UNC93B1: variants seen among roughly 807,000 people sequenced by gnomAD.
UNC93B1 encodes protein unc-93 homolog B1.
Under a neutral mutation model 56.8 loss-of-function variants are expected in UNC93B1, and 33 were observed. That is an observed-to-expected ratio of 0.58 (90% CI 0.44 to 0.78). UNC93B1 has a LOEUF of 0.78. Ranked by LOEUF, UNC93B1 falls within the 30% of genes least tolerant of loss-of-function variation. The pLI is 0.00. For synonymous variants in UNC93B1, 334 were observed against 358.6 expected, an observed-to-expected ratio of 0.93 and a Z score of 0.77; for missense variants, 673 against 819.5, an observed-to-expected ratio of 0.82 and a Z score of 2.18.
At chr11:67,995,576 GCCCC>G in intron 9 of UNC93B1, 31 bp downstream of exon 9, 4 of 103,704 alleles carry the variant, frequency 3.9e-5, no homozygotes, top group Non-Finnish European at 5.4e-5. Flanking sequence ...CCCCTGCCCC[GCCCC>G]CCCCCCCCCA....
At chr11:67,997,825 C>T (rs1454619917) in intron 6 of UNC93B1, 26 bp from the exon 7 acceptor site, 3 of 1,598,616 alleles carry the variant, frequency 1.9e-6, no homozygotes, top group Admixed American at 1.7e-5. Flanking sequence ...GTGAGGGCAC[C>T]GTGAGCAGAG....
In UNC93B1 at chr11:67,993,692, G is replaced by A. The variant is rs765034492; in HGVS notation, c.1466C>T (p.Ser489Leu). ...AVAIFTVYLG[S>L]SLHMKAKLAV... ...CAGTCTCACCTTCATGTGCAGGCTCGAGCCCAGGTACACGGTGAAGATGGC... is the reference window on the plus strand; with the variant it reads ...CAGTCTCACCTTCATGTGCAGGCTCAAGCCCAGGTACACGGTGAAGATGGC... Residue 489 changes from serine (S) to leucine (L), a missense_variant, in exon 10 of 11, where the codon TCG becomes TTG. By Grantham distance (145) the Ser-to-Leu change is moderately radical. Transcript: ENST00000227471. 19 of 1,208,488 alleles carry A rather than the reference G, an allele frequency of 1.6e-5. No individual in the cohort carries two copies. The highest frequency in any genetic ancestry group is 7.6e-5 in the African/African-American group (5 of 65,760). The allele number at this position is 1,208,488 out of a possible 1,614,324, so 74.9% of individuals were successfully genotyped here. A position where few individuals can be genotyped will look rare whatever the true frequency, so the allele number is the denominator to read the frequency against.
In UNC93B1 at chr11:67,993,688, G is replaced by C; in HGVS notation, c.1470C>G (p.Ser490Arg). The stretch of plus-strand genomic sequence containing the variant: ...TGCCCAGTCTCACCTTCATGTGCAG[G>C]CTCGAGCCCAGGTACACGGTGAAGA... ...VAIFTVYLGS[S>R]LHMKAKLAVL... Residue 490 changes from serine to arginine, a missense_variant, in exon 10 of 11, where the codon AGC (serine) becomes AGG (arginine). By Grantham distance (110) the Ser-to-Arg change is moderately radical. Coordinates refer to ENST00000227471, the MANE Select transcript of UNC93B1 (RefSeq NM_030930.4). 8.4e-7 allele frequency: 1 copy of C among 1,191,796 alleles called. No homozygotes were observed. Among genetic ancestry groups the C allele is most frequent in the Non-Finnish European group, 1.2e-6 (1 of 834,392 alleles). 73.8% of individuals were successfully genotyped at this position (1,191,796 alleles called of 1,614,324 possible).
chr11:67,996,626 G>A lies in UNC93B1; in HGVS notation c.1065C>T (p.Leu355=). 6.4e-7 allele frequency: 1 copy of A among 1,550,764 alleles called. No homozygotes were observed. ...PFFIYSGFEV[L]FACTGIALGY... ...CCAAGGCGATACCAGTGCAGGCAAAGAGCACCTCGAAGCCGCTGTAGATAA... is the reference window on the plus strand; with the variant it reads ...CCAAGGCGATACCAGTGCAGGCAAAAAGCACCTCGAAGCCGCTGTAGATAA... The change falls in exon 8 of 11, where the codon CTC becomes CTT. Residue 355 remains leucine, a synonymous_variant. Coordinates refer to ENST00000227471, the MANE Select transcript of UNC93B1 (RefSeq NM_030930.4).
rs1308181143 is a variant in UNC93B1 at position 68,003,305 on chromosome 11, G to T, written c.239-130C>A. On this transcript the variant is annotated intron_variant, in intron 2 of 10. Transcript: ENST00000227471. The surrounding 1 kb of genome is among the most constrained non-coding windows in gnomAD (Gnocchi z 4.4). ...CATTCCCGCTGACAGCGCCCCTCAG[G>T]ACAGCGGGGTTCCCGGGCTGCGCCA... 1 of 1,192,320 alleles carries T rather than the reference G, an allele frequency of 8.4e-7. No homozygotes were observed. Among genetic ancestry groups the T allele is most frequent in the Admixed American group, 3.0e-5 (1 of 33,736 alleles). The allele number at this position is 1,192,320 out of a possible 1,614,324, so 73.9% of individuals were successfully genotyped here.
chr11:67,999,335 C>T (rs1401554763), intron 4 of UNC93B1, 30 bp from the exon 5 acceptor site: 1 of 1,594,350 alleles, frequency 6.3e-7, no homozygotes, highest in Non-Finnish European at 8.5e-7. Flanking sequence ...AGGCTCTCCC[C>T]AGCCCGACCT....
At position 67,996,608 on chromosome 11, in the gene UNC93B1, G is replaced by C; in HGVS notation, c.1083C>G (p.Ile361Met). 1 of 1,548,122 alleles carries C rather than the reference G, an allele frequency of 6.5e-7. No homozygotes were observed. Residue 361 changes from isoleucine (I) to methionine (M), a missense_variant, in exon 8 of 11, where the codon ATC (isoleucine) becomes ATG (methionine). This residue lies in a region of UNC93B1 where 155 missense variants were observed against 268.3 expected (regional missense o/e 0.58). Coordinates refer to ENST00000227471, the MANE Select transcript of UNC93B1 (RefSeq NM_030930.4). ...CTTTGCAGGCTGTACTTACCAAGGC[G>C]ATACCAGTGCAGGCAAAGAGCACCT... Reference protein sequence around the residue: ...GFEVLFACTGIALGYGVCSVG... With the variant: ...GFEVLFACTGMALGYGVCSVG...
In UNC93B1 at chr11:68,002,185, T is replaced by C. The variant is rs867505045; in HGVS notation, c.392+837A>G. 5.0e-5 allele frequency among the ~76,000 whole-genome samples: 7 copies of C among 140,780 alleles called. No homozygotes were observed. The East Asian group carries it at 6.3e-4, about 13-fold the overall frequency. 92.4% of individuals were successfully genotyped at this position (140,780 alleles called of 152,430 possible). A position where few individuals can be genotyped will look rare whatever the true frequency, so the allele number is the denominator to read the frequency against. ...CAAAAGCAAACATAGCCCGCTTGCA[T>C]ACACACACACACACACACACACACA... On this transcript the variant is annotated intron_variant, in intron 3 of 10. Coordinates refer to ENST00000227471, the MANE Select transcript of UNC93B1 (RefSeq NM_030930.4).
At chr11:67,992,691 G>C (rs1389159772) in intron 10 of UNC93B1, among the ~76,000 whole-genome samples, 1 of 128,614 alleles carries the variant, frequency 7.8e-6, no homozygotes, top group African/African-American at 3.2e-5. Context: ...GGAAGACAGA[G>C]TCTCGCTCTG....
chr11:67,999,215 G>A lies in UNC93B1; in HGVS notation c.645C>T (p.Pro215=), dbSNP rs964204752. ...KQRPPRGSHA[P]YLLVFQAIFY... Reference sequence around the variant, plus strand: ...AGATGGCTTGGAAGACCAGGAGATAGGGCGCGTGGGAGCCCCGCGGAGGCC... The same window carrying A: ...AGATGGCTTGGAAGACCAGGAGATAAGGCGCGTGGGAGCCCCGCGGAGGCC... Residue 215 remains proline (P), a synonymous_variant, in exon 5 of 11, where the codon CCC becomes CCT. Transcript: ENST00000227471. 10 of 1,613,158 alleles carry A rather than the reference G, an allele frequency of 6.2e-6. No individual in the cohort carries two copies. The highest frequency in any genetic ancestry group is 2.7e-5 in the African/African-American group (2 of 74,402).
At chr11:67,992,677 TTTTGGAAGA>T (rs1172587887) in intron 10 of UNC93B1, among the ~76,000 whole-genome samples, 2,601 of 149,586 alleles carry the variant, frequency 0.017, 60 homozygotes, top group South Asian at 0.063. Flanking sequence ...TTTTTTTTTT[TTTTGGAAGA>T]CAGAGTCTCG....
Position 68,003,920 on chromosome 11 carries a change from G to T in UNC93B1, c.96+28C>A, listed in dbSNP as rs1387013858. 5.9e-6 allele frequency: 8 copies of T among 1,358,198 alleles called. No individual in the cohort carries two copies. Among genetic ancestry groups the T allele is most frequent in the Non-Finnish European group, 7.6e-6 (8 of 1,050,840 alleles). 84.1% of individuals were successfully genotyped at this position (1,358,198 alleles called of 1,614,324 possible). ...GGACCCTGGCCCACAGGGGACGCCC[G>T]CGCCTCGCACTCCGGGTCCCCGCTC... On this transcript the variant is annotated intron_variant, in intron 1 of 10. Transcript: ENST00000227471. This position sits in a 1 kb window ranked among gnomAD's most constrained non-coding sequence, Gnocchi z 4.4.
At position 67,991,718 on chromosome 11, in the gene UNC93B1, T is replaced by G; in HGVS notation, c.1622A>C (p.Tyr541Ser). 1.3e-6 allele frequency: 2 copies of G among 1,536,386 alleles called. No homozygotes were observed. Among genetic ancestry groups the G allele is most frequent in the Non-Finnish European group, 1.7e-6 (2 of 1,148,182 alleles). The change falls in exon 11 of 11, where the codon TAC becomes TCC. Residue 541 changes from tyrosine (Y) to serine (S), a missense_variant. By Grantham distance (144) the Tyr-to-Ser change is moderately radical. Around this residue, in one of 3 missense-constraint regions of UNC93B1, gnomAD observed 80 missense variants for 85.3 expected, o/e 0.94. Coordinates refer to ENST00000227471, the MANE Select transcript of UNC93B1 (RefSeq NM_030930.4). ...RPQHKVRGYR[Y>S]LEEDNSDESD... Reference sequence around the variant, plus strand: ...CTCGTCCGAGTTGTCCTCCTCCAAGTAGCGGTAACCGCGCACCTTGTGCTG... The same window carrying G: ...CTCGTCCGAGTTGTCCTCCTCCAAGGAGCGGTAACCGCGCACCTTGTGCTG...
intron 10 of UNC93B1, among the ~76,000 whole-genome samples, chr11:67,992,666 CTTTTTTTTTTTTTT>C (rs1330509114): frequency 1.7e-5 from 2 of 118,242 alleles, no homozygotes; most frequent in African/African-American, 6.6e-5. Context: ...TTTTTTTTTC[CTTTTTTTTTTTTTT>C]GGAAGACAGA....
chr11:67,998,324 T>C (rs770490180), intron 6 of UNC93B1, 35 bp downstream of exon 6: 1 of 1,610,498 alleles, frequency 6.2e-7, no homozygotes, highest in East Asian at 2.2e-5. Flanking sequence ...AAGCAGGCTT[T>C]GTGGACTCCT....
Position 67,991,848 on chromosome 11 carries a change from C to T in UNC93B1, c.1492G>A (p.Ala498Thr), listed in dbSNP as rs755301152. The T allele has an allele frequency of 4.4e-5, 69 of 1,566,942 alleles. No homozygotes were observed. The highest frequency in any genetic ancestry group is 5.4e-5 in the Non-Finnish European group (63 of 1,166,218). Residue 498 changes from alanine to threonine, a missense_variant, in exon 11 of 11, where the codon GCG (alanine) becomes ACG (threonine). Ala to Thr is a moderately conservative substitution (Grantham distance 58). Around this residue, in one of 3 missense-constraint regions of UNC93B1, gnomAD observed 155 missense variants for 268.3 expected, o/e 0.58. Coordinates refer to ENST00000227471, the MANE Select transcript of UNC93B1 (RefSeq NM_030930.4). ...GCCACCAGCGTCACCAGCAGCACCG[C>T]CAGCTTAGCCTGGGCGTAAGGAGAG... ...GSSLHMKAKL[A>T]VLLVTLVAAA...
In UNC93B1 at chr11:67,995,735, C is replaced by T. The variant is rs1474039466; in HGVS notation, c.1239G>A (p.Leu413=). 6.5e-7 allele frequency: 1 copy of T among 1,548,622 alleles called. No homozygotes were observed. Among genetic ancestry groups the T allele is most frequent in the Admixed American group, 2.0e-5 (1 of 51,012 alleles). Residue 413 remains leucine (L), a synonymous_variant, in exon 9 of 11, where the codon CTG becomes CTA. Transcript: ENST00000227471. ...VPLVAGAGVH[L]LLTFILFFWA... ...AGAAAAAGAGGATGAAGGTGAGCAG[C>T]AGGTGCACCCCTGCTCCGGCCACCA...
In UNC93B1 at chr11:67,998,557, G is replaced by A. The variant is rs578100990; in HGVS notation, c.688-105C>T. 9.3e-5 allele frequency: 106 copies of A among 1,138,704 alleles called. 1 individual carries two copies. The African/African-American group carries it at 1.4e-3, about 15-fold the overall frequency. 70.5% of individuals were successfully genotyped at this position (1,138,704 alleles called of 1,614,324 possible). A position where few individuals can be genotyped will look rare whatever the true frequency, so the allele number is the denominator to read the frequency against. On this transcript the variant is annotated intron_variant, in intron 5 of 10. Coordinates refer to ENST00000227471, the MANE Select transcript of UNC93B1 (RefSeq NM_030930.4). ...CAGGCACAGCCTTGGGGGAACAGGG[G>A]CCTTCCCAGTTCTGGGAGTAGTGTG...
chr11:67,998,964 G>A (rs780724957), intron 5 of UNC93B1, among the ~76,000 whole-genome samples: 21 of 152,106 alleles, frequency 1.4e-4, no homozygotes, highest in Non-Finnish European at 2.4e-4. Flanking sequence ...AGTGGTGTGC[G>A]CATGTAGTCC....
Sources: allele counts gnomAD v4.1 joint callset (sites outside exome capture counted in the v4.1 genomes callset), GRCh38; gene constraint gnomAD v4.1.1; regional missense constraint gnomAD v4.1.1; non-coding constraint Gnocchi (gnomAD v3.1); transcripts MANE v1.5; gene names NCBI Gene and HGNC (gene_info 2026-07-23, HGNC 2026-07-21).